The following PSMD1 variants were observed in gnomAD, a reference collection of about 807,000 sequenced individuals.
The protein encoded by PSMD1 is 26S proteasome non-ATPase regulatory subunit 1.
A neutral mutation model predicts 119.0 loss-of-function variants in PSMD1; 18 were observed. That is an observed-to-expected ratio of 0.15 (90% CI 0.10 to 0.22). The LOEUF (loss-of-function observed/expected upper bound fraction) is 0.22, where lower values mean the gene tolerates loss of function less well. Ranked by LOEUF, PSMD1 falls within the 10% of genes least tolerant of loss-of-function variation. PSMD1 has a pLI of 1.00. For synonymous variants in PSMD1, 374 were observed against 396.6 expected (o/e 0.94, Z 0.68); for missense variants, 702 against 1,158.5 (o/e 0.61, Z 5.72).
chr2:231,143,577 G>A (rs530957179), intron 17 of PSMD1, among the ~76,000 whole-genome samples: 1 of 152,292 alleles, frequency 6.6e-6, no homozygotes, highest in Admixed American at 6.5e-5. Flanking sequence ...TGCAGAGTGT[G>A]AATAGAAGTT....
At chr2:231,065,216 T>C (rs1165843113) in intron 4 of PSMD1, among the ~76,000 whole-genome samples, 1 of 151,728 alleles carries the variant, frequency 6.6e-6, no homozygotes, top group East Asian at 1.9e-4. Context: ...CAATGAATTA[T>C]GGAGAGGATA....
At chr2:231,149,953 C>A (rs1411132371) in intron 18 of PSMD1, among the ~76,000 whole-genome samples, 2 of 152,082 alleles carry the variant, frequency 1.3e-5, no homozygotes, top group Admixed American at 6.5e-5. Context: ...TCATTTCAGG[C>A]ATATTGAGTT....
chr2:231,061,053 G>A (rs1194473943), intron 1 of PSMD1, among the ~76,000 whole-genome samples: 1 of 152,202 alleles, frequency 6.6e-6, no homozygotes, highest in East Asian at 1.9e-4. Flanking sequence ...GGCAAATGAT[G>A]TAATATATGT....
At chr2:231,163,574 G>A (rs887126685) in intron 20 of PSMD1, 61 bp from the exon 21 acceptor site, 8 of 1,273,486 alleles carry the variant, frequency 6.3e-6, no homozygotes, top group Admixed American at 1.9e-5. Flanking sequence ...TTTTGTATCC[G>A]TATGCCTGTG....
At chr2:231,146,404 C>G in intron 18 of PSMD1, 48 bp downstream of exon 18, 1 of 1,399,428 alleles carries the variant, frequency 7.1e-7, no homozygotes, top group East Asian at 2.3e-5. Flanking sequence ...TTGGTCTTTT[C>G]TTTAGTAACT....
chr2:231,089,594 G>GATATATAT lies in PSMD1; in HGVS notation c.1883+2426_1883+2433dup, dbSNP rs140932102. On this transcript the variant is annotated intron_variant, in intron 16 of 24. Coordinates refer to ENST00000308696, the MANE Select transcript of PSMD1 (RefSeq NM_002807.4). ...TTCCCTAGAGGGACAGAATTAATAG[G>GATATATAT]ATATATATATATATATATATGGGAG... Among the ~76,000 whole-genome samples, 193 of 143,178 alleles carry GATATATAT rather than the reference G, an allele frequency of 1.3e-3. 2 individuals carry two copies. The highest frequency in any genetic ancestry group is 4.5e-3 in the African/African-American group (171 of 37,648). 93.9% of individuals were successfully genotyped at this position (143,178 alleles called of 152,430 possible). A position where few individuals can be genotyped will look rare whatever the true frequency, so the allele number is the denominator to read the frequency against.
chr2:231,057,072 G>C, intron 1 of PSMD1, 31 bp downstream of exon 1: 1 of 1,495,932 alleles, frequency 6.7e-7, no homozygotes, highest in Non-Finnish European at 8.9e-7. Context: ...GCGCCTGGAG[G>C]GAGGAGCCGC....
chr2:231,072,475 C>A, intron 7 of PSMD1, 60 bp downstream of exon 7: 2 of 1,431,362 alleles, frequency 1.4e-6, no homozygotes, highest in Non-Finnish European at 2.0e-6. Flanking sequence ...ATTTTGGGGA[C>A]AGGTAGAATA....
At chr2:231,097,240 A>T (rs1028053466) in intron 16 of PSMD1, among the ~76,000 whole-genome samples, 5 of 152,224 alleles carry the variant, frequency 3.3e-5, no homozygotes, top group Non-Finnish European at 7.3e-5. Flanking sequence ...CACAGCACCC[A>T]ACAAGAATAA....
At chr2:231,078,785 C>CTT in intron 10 of PSMD1, 38 bp downstream of exon 10, 28 of 516,540 alleles carry the variant, frequency 5.4e-5, no homozygotes, top group South Asian at 1.1e-4. Flanking sequence ...GGTTCAAAAT[C>CTT]TTTTTCTTTT....
intron 5 of PSMD1, among the ~76,000 whole-genome samples, chr2:231,068,176 C>G (rs1232316274): frequency 6.6e-6 from 1 of 152,074 alleles, no homozygotes; most frequent in Non-Finnish European, 1.5e-5. Context: ...GCTGTCTTTC[C>G]CACTAGATCA....
At chr2:231,119,907 A>G (rs1367194380) in intron 16 of PSMD1, among the ~76,000 whole-genome samples, 6 of 151,296 alleles carry the variant, frequency 4.0e-5, no homozygotes, top group East Asian at 1.9e-4. Context: ...AAATAAACCA[A>G]TAACACCCAA....
chr2:231,161,856 A>C (rs1696649007), intron 20 of PSMD1, among the ~76,000 whole-genome samples: 1 of 152,240 alleles, frequency 6.6e-6, no homozygotes, highest in Non-Finnish European at 1.5e-5. Flanking sequence ...ATGATAAATG[A>C]ACATGAGATT....
At chr2:231,113,674 C>G (rs1553563529) in intron 16 of PSMD1, 1 of 1,502,836 alleles carries the variant, frequency 6.7e-7, no homozygotes, top group Non-Finnish European at 9.3e-7. Context: ...ATTCTCCTAG[C>G]CAAGTGGAAC....
chr2:231,061,065 G>A (rs1693745408), intron 1 of PSMD1, among the ~76,000 whole-genome samples: 1 of 152,214 alleles, frequency 6.6e-6, no homozygotes, highest in South Asian at 2.1e-4. Context: ...AATATATGTG[G>A]TGCCATGAGG....
intron 16 of PSMD1, among the ~76,000 whole-genome samples, chr2:231,129,361 A>G (rs1695802009): frequency 6.6e-6 from 1 of 152,190 alleles, no homozygotes; most frequent in Admixed American, 6.5e-5. Flanking sequence ...CAGGAATGCA[A>G]TCTGAGATTT....
At chr2:231,058,520 C>CTT (rs35559920) in intron 1 of PSMD1, among the ~76,000 whole-genome samples, 3,060 of 142,642 alleles carry the variant, frequency 0.021, 119 homozygotes, top group African/African-American at 0.074. Flanking sequence ...ATATACAAAC[C>CTT]TTTTTTTTTT....
intron 17 of PSMD1, among the ~76,000 whole-genome samples, chr2:231,143,725 A>G (rs556603301): frequency 7.5e-4 from 115 of 152,362 alleles, no homozygotes; most frequent in Non-Finnish European, 1.5e-3. Flanking sequence ...CAGTGTATAC[A>G]TATATTTTGT....
chr2:231,146,468 A>G, intron 18 of PSMD1, 112 bp downstream of exon 18: 1 of 746,056 alleles, frequency 1.3e-6, no homozygotes, highest in Non-Finnish European at 2.3e-6. Context: ...CTGAAAGTAA[A>G]GTAAAAGTAA....
Sources: gnomAD v4.1 joint callset for allele counts (sites outside exome capture counted in the v4.1 genomes callset) on GRCh38, gnomAD v4.1.1 for gene constraint, MANE v1.5 for transcripts, NCBI Gene and HGNC (gene_info 2026-07-23, HGNC 2026-07-21) for gene names.